The following DACH1 variants were observed in gnomAD, a reference collection of about 807,000 sequenced individuals.
The protein encoded by DACH1 is dachshund homolog 1.
DACH1 carries 12 observed loss-of-function variants against 54.2 expected under a neutral mutation model. That is an observed-to-expected ratio of 0.22 (90% CI 0.14 to 0.36). DACH1 has a LOEUF of 0.36. Ranked by LOEUF, DACH1 falls within the 10% of genes least tolerant of loss-of-function variation. The pLI, the probability that DACH1 is intolerant of heterozygous loss-of-function variation, is 1.00. For synonymous variants in DACH1, 386 were observed against 366.2 expected, an observed-to-expected ratio of 1.05 and a Z score of -0.62; for missense variants, 805 against 929.8, an observed-to-expected ratio of 0.87 and a Z score of 1.75.
At chr13:71,486,325 C>A (rs1289330979) in intron 7 of DACH1, among the ~76,000 whole-genome samples, 1 of 152,014 alleles carries the variant, frequency 6.6e-6, no homozygotes, top group Admixed American at 6.6e-5. Context: ...ATAGAAAGCA[C>A]AGAACCCTAT....
intron 1 of DACH1, among the ~76,000 whole-genome samples, chr13:71,692,606 T>A (rs1217180958): frequency 7.5e-6 from 1 of 133,260 alleles, no homozygotes. Context: ...CACCGCAACC[T>A]CTGCCTCCCA....
chr13:71,823,960 G>A (rs554890705), intron 1 of DACH1, among the ~76,000 whole-genome samples: 1 of 151,942 alleles, frequency 6.6e-6, no homozygotes, highest in East Asian at 1.9e-4. Context: ...TGTAAATTCT[G>A]TTAATTTACT....
chr13:71,687,435 A>G (rs1397288329), intron 1 of DACH1, among the ~76,000 whole-genome samples: 1 of 152,150 alleles, frequency 6.6e-6, no homozygotes, highest in African/African-American at 2.4e-5. Context: ...ATCAGAGCAC[A>G]TGAGACAGAA....
Position 71,865,844 on chromosome 13 carries a change from G to A in DACH1, c.848+78C>T, listed in dbSNP as rs1490469021. ...CTCGCGGGCGCGCAGAGCGAGCGGC[G>A]CCGGGAAAGGAGCGAGGGCAGGCGA... is the stretch of plus-strand genomic sequence containing the variant. On this transcript the variant is annotated intron_variant, in intron 1 of 10. Transcript: ENST00000613252. The A allele has an allele frequency of 5.1e-6, 7 of 1,366,916 alleles. No homozygotes were observed. The African/African-American group carries it at 9.1e-5, about 18-fold the overall frequency. 84.7% of individuals were successfully genotyped at this position (1,366,916 alleles called of 1,614,324 possible).
chr13:71,531,167 G>A (rs1390107288), intron 6 of DACH1, among the ~76,000 whole-genome samples: 3 of 152,016 alleles, frequency 2.0e-5, no homozygotes, highest in Non-Finnish European at 4.4e-5. Context: ...TTATTAGGAG[G>A]AGAGTATTCC....
At chr13:71,542,956 G>A (rs1458697921) in intron 6 of DACH1, among the ~76,000 whole-genome samples, 1 of 152,090 alleles carries the variant, frequency 6.6e-6, no homozygotes, top group Non-Finnish European at 1.5e-5. Flanking sequence ...AAAGCTCTTA[G>A]TCTAACAAAG....
chr13:71,586,870 A>G (rs1039792424), intron 3 of DACH1, among the ~76,000 whole-genome samples: 1 of 152,020 alleles, frequency 6.6e-6, no homozygotes, highest in African/African-American at 2.4e-5. Flanking sequence ...GATTATTTTC[A>G]TTTGTATGAG....
rs577668986 is a variant in DACH1, at chr13:71,525,413, A to G, written c.1570+31611T>C. Among the ~76,000 whole-genome samples, 30 of 152,288 alleles carry G rather than the reference A, an allele frequency of 2.0e-4. No homozygotes were observed. In the South Asian group the frequency reaches 6.2e-3, roughly 32 times the overall value. ...CTTTAACCAACTAATGGATTAATGA[A>G]AACATTATCTGGAAAGTCCCGTTAT... On this transcript the variant is annotated intron_variant, in intron 6 of 10. Coordinates refer to ENST00000613252, the MANE Select transcript of DACH1 (RefSeq NM_080759.6).
intron 1 of DACH1, among the ~76,000 whole-genome samples, chr13:71,748,906 T>TTC (rs749867534): frequency 3.3e-3 from 117 of 35,164 alleles, no homozygotes; most frequent in African/African-American, 4.8e-3. Context: ...TTCTCTTTCT[T>TTC]TCTTTCTTTC....
intron 1 of DACH1, among the ~76,000 whole-genome samples, chr13:71,842,940 G>C (rs1872975892): frequency 6.6e-6 from 1 of 152,142 alleles, no homozygotes. Context: ...TTTGTTTAAA[G>C]AGAATCTTCA....
intron 10 of DACH1, among the ~76,000 whole-genome samples, chr13:71,465,554 CCTT>C (rs1398215256): frequency 6.6e-6 from 1 of 151,940 alleles, no homozygotes; most frequent in Non-Finnish European, 1.5e-5. Context: ...TAAATGATAA[CCTT>C]CTTCAGCTTT....
intron 1 of DACH1, among the ~76,000 whole-genome samples, chr13:71,757,696 G>A (rs529490204): frequency 1.3e-5 from 2 of 152,002 alleles, no homozygotes; most frequent in South Asian, 2.1e-4. Flanking sequence ...GCTAATTTTT[G>A]TATTTTTGTA....
intron 1 of DACH1, among the ~76,000 whole-genome samples, chr13:71,821,558 C>A (rs1296860183): frequency 2.0e-5 from 3 of 151,956 alleles, no homozygotes; most frequent in African/African-American, 7.3e-5. Flanking sequence ...AATTTCTACA[C>A]CTATAAGTTA....
chr13:71,668,894 C>T (rs759678145), intron 2 of DACH1, among the ~76,000 whole-genome samples: 11 of 151,994 alleles, frequency 7.2e-5, no homozygotes, highest in Non-Finnish European at 1.2e-4. Flanking sequence ...CACTGCACTC[C>T]AGCCTGTACA....
intron 1 of DACH1, among the ~76,000 whole-genome samples, chr13:71,809,182 C>CA (rs1168329825): frequency 6.6e-6 from 1 of 152,078 alleles, no homozygotes; most frequent in Non-Finnish European, 1.5e-5. Context: ...AAACAAAAAA[C>CA]AAATATGTGA....
rs767902341 is a variant in DACH1, at chr13:71,775,127, C to CTTTTTTTTTTTTTT, written c.848+90781_848+90794dup. Among the ~76,000 whole-genome samples the CTTTTTTTTTTTTTT allele has an allele frequency of 1.5e-4, 8 of 54,028 alleles. 1 individual carries two copies. The highest frequency in any genetic ancestry group is 3.0e-4 in the Admixed American group (1 of 3,356). 35.4% of individuals were successfully genotyped at this position (54,028 alleles called of 152,430 possible). A position where few individuals can be genotyped will look rare whatever the true frequency, so the allele number is the denominator to read the frequency against. ...GAGCAAGACTCCATCTCAACACAAG[C>CTTTTTTTTTTTTTT]TTTTTTTTTTTTTTTTTTTTTTTTT... On this transcript the variant is annotated intron_variant, in intron 1 of 10. Transcript: ENST00000613252.
In DACH1 at chr13:71,447,325, C is replaced by T. The variant is rs533527954; in HGVS notation, c.2084-6633G>A. Among the ~76,000 whole-genome samples, 10 of 144,192 alleles carry T rather than the reference C, an allele frequency of 6.9e-5. 1 individual carries two copies. In the South Asian group the frequency reaches 2.1e-3, roughly 30 times the overall value. The allele number at this position is 144,192 out of a possible 152,430, so 94.6% of individuals were successfully genotyped here. ...ATTTTATTCACTGTGTCTGAGGAGA[C>T]AGACAGGAGAATTCTATCTCAAAAT... On this transcript the variant is annotated intron_variant, in intron 10 of 10. Coordinates refer to ENST00000613252, the MANE Select transcript of DACH1 (RefSeq NM_080759.6).
At chr13:71,640,480 G>C (rs1303510329) in intron 2 of DACH1, among the ~76,000 whole-genome samples, 1 of 151,990 alleles carries the variant, frequency 6.6e-6, no homozygotes, top group Non-Finnish European at 1.5e-5. Context: ...ATAAAAAGAA[G>C]AGTAAATAAA....
chr13:71,512,721 C>T (rs1336863780), intron 6 of DACH1, among the ~76,000 whole-genome samples: 3 of 151,752 alleles, frequency 2.0e-5, no homozygotes, highest in Non-Finnish European at 4.4e-5. Context: ...TAAGGAATTG[C>T]ACAAATAACT....
Sources: allele counts gnomAD v4.1 joint callset (sites outside exome capture counted in the v4.1 genomes callset), GRCh38; gene constraint gnomAD v4.1.1; transcripts MANE v1.5; gene names NCBI Gene and HGNC (gene_info 2026-07-23, HGNC 2026-07-21).